Variants in VTI1A observed in about 807,000 individuals in gnomAD.
VTI1A encodes vesicle transport through interaction with t-SNAREs 1A, also known as vesicle transport through interaction with t-SNAREs homolog 1A.
A neutral mutation model predicts 34.9 loss-of-function variants in VTI1A; 22 were observed. The ratio of observed to expected loss-of-function variants is 0.63; its 90% CI spans 0.45 to 0.90. The LOEUF is 0.90. VTI1A is among the 40% of genes least tolerant of loss of function. The probability of loss-of-function intolerance (pLI) is 0.00; values close to 1 mark genes in which losing one functional copy is unlikely to be tolerated. For missense variants in VTI1A, 268 were observed against 275.6 expected (o/e 0.97, Z 0.20); for synonymous variants, 87 against 97.3 (o/e 0.89, Z 0.62).
intron 5 of VTI1A, among the ~76,000 whole-genome samples, chr10:112,659,341 A>G (rs1847358784): frequency 6.6e-6 from 1 of 152,180 alleles, no homozygotes; most frequent in Admixed American, 6.5e-5. Context: ...CCTGCTGCTC[A>G]AGTCTCATTT....
intron 5 of VTI1A, among the ~76,000 whole-genome samples, chr10:112,620,790 CAA>C (rs58569618): frequency 4.1e-4 from 56 of 137,400 alleles, no homozygotes; most frequent in Admixed American, 5.8e-4. Context: ...AACTCCATCT[CAA>C]AAAAAAAAAA....
intron 7 of VTI1A, among the ~76,000 whole-genome samples, chr10:112,758,863 G>T (rs1923259): frequency 0.021 from 3,159 of 152,322 alleles, 118 homozygotes; most frequent in African/African-American, 0.072. Flanking sequence ...GGCATGAGCA[G>T]CAGGTAGGCA....
rs149647046 is a variant in VTI1A at position 112,778,548 on chromosome 10, G to A, written c.561-36742G>A. ...CTATACAGGACAAAGAGCTTTTCCT[G>A]TTCACTCTATTTTACTGAGAAAAGT... On this transcript the variant is annotated intron_variant, in intron 7 of 7. Transcript: ENST00000393077. Among the ~76,000 whole-genome samples, 525 of 152,266 alleles carry A rather than the reference G, an allele frequency of 3.4e-3. 5 individuals carry two copies. The highest frequency in any genetic ancestry group is 0.011 in the African/African-American group (459 of 41,552).
intron 5 of VTI1A, among the ~76,000 whole-genome samples, chr10:112,583,958 A>G (rs1013045150): frequency 5.3e-5 from 8 of 152,164 alleles, no homozygotes; most frequent in Non-Finnish European, 1.2e-4. Context: ...AGAATACCCA[A>G]AGTTGCCTTG....
chr10:112,736,107 G>GTATATATATATATATA (rs1468293852), intron 7 of VTI1A, among the ~76,000 whole-genome samples: 24 of 100,834 alleles, frequency 2.4e-4, no homozygotes, highest in East Asian at 8.2e-4. Context: ...ATATATGTGT[G>GTATATATATATATATA]TGTGTATATA....
At chr10:112,772,836 C>A (rs1203602399) in intron 7 of VTI1A, among the ~76,000 whole-genome samples, 1 of 152,198 alleles carries the variant, frequency 6.6e-6, no homozygotes, top group Non-Finnish European at 1.5e-5. Flanking sequence ...AGACACACCT[C>A]AGCCCAGTCC....
chr10:112,487,091 G>A (rs1228767566), intron 3 of VTI1A, among the ~76,000 whole-genome samples: 1 of 152,034 alleles, frequency 6.6e-6, no homozygotes, highest in Non-Finnish European at 1.5e-5. Context: ...CTCTGCATCC[G>A]GGTTGAGAAA....
Position 112,818,339 on chromosome 10 carries a change from G to A in VTI1A, c.*2956G>A, listed in dbSNP as rs991045454. The A allele has an allele frequency of 1.7e-5, 4 of 232,728 alleles. No homozygotes were observed. Among genetic ancestry groups the A allele is most frequent in the Admixed American group, 1.1e-4 (2 of 17,750 alleles). The allele number at this position is 232,728 out of a possible 1,614,324, so 14.4% of individuals were successfully genotyped here. On this transcript the variant is annotated 3_prime_UTR_variant, in exon 8 of 8. Coordinates refer to ENST00000393077, the MANE Select transcript of VTI1A (RefSeq NM_145206.4). ...AAAACCTCATCAGATAATGACCTCA[G>A]TGATTGGGTTTTCATTACCAAACAG...
chr10:112,783,612 A>C (rs913910533), intron 7 of VTI1A, among the ~76,000 whole-genome samples: 30 of 152,316 alleles, frequency 2.0e-4, no homozygotes, highest in African/African-American at 7.2e-4. Context: ...CTAGTGTTCT[A>C]CCTTTTCAAC....
intron 7 of VTI1A, among the ~76,000 whole-genome samples, chr10:112,710,697 C>T (rs1023093827): frequency 2.0e-5 from 3 of 152,186 alleles, no homozygotes; most frequent in South Asian, 2.1e-4. Context: ...CTTTTTTTCC[C>T]GGGTCAGTAG....
chr10:112,599,830 C>T (rs917643984), intron 5 of VTI1A, among the ~76,000 whole-genome samples: 8 of 152,164 alleles, frequency 5.3e-5, no homozygotes, highest in Admixed American at 2.6e-4. Flanking sequence ...GATCTTGCCT[C>T]GGCTTCCCAA....
intron 5 of VTI1A, among the ~76,000 whole-genome samples, chr10:112,547,058 T>C (rs895328922): frequency 6.6e-6 from 1 of 152,188 alleles, no homozygotes; most frequent in African/African-American, 2.4e-5. Context: ...AGCAGGCAGA[T>C]CACTTGAACC....
intron 3 of VTI1A, among the ~76,000 whole-genome samples, chr10:112,488,665 T>C (rs146466997): frequency 6.6e-6 from 1 of 152,340 alleles, no homozygotes; most frequent in East Asian, 1.9e-4. Flanking sequence ...TTAAAAGTCA[T>C]GCAGGACTCT....
At chr10:112,599,489 C>T (rs554035180) in intron 5 of VTI1A, among the ~76,000 whole-genome samples, 24 of 152,270 alleles carry the variant, frequency 1.6e-4, no homozygotes, top group South Asian at 6.2e-4. Flanking sequence ...GGATGCCAAA[C>T]GACTGGACCG....
intron 5 of VTI1A, among the ~76,000 whole-genome samples, chr10:112,581,716 G>A (rs1291002797): frequency 6.6e-6 from 1 of 152,098 alleles, no homozygotes; most frequent in Non-Finnish European, 1.5e-5. Context: ...TTAGCAAATA[G>A]CACTTCCTGA....
At chr10:112,736,748 A>C in intron 7 of VTI1A, 1 of 1,550,246 alleles carries the variant, frequency 6.5e-7, no homozygotes, top group African/African-American at 1.4e-5. Flanking sequence ...AAAACAATGT[A>C]ACCTGTCTCT....
the VTI1A span, among the ~76,000 whole-genome samples, chr10:112,830,849 A>ATATATATATATATTTTTTTTT: frequency 2.4e-4 from 8 of 33,498 alleles, no homozygotes; most frequent in African/African-American, 2.9e-4. Flanking sequence ...ATATATATAT[A>ATATATATATATATTTTTTTTT]TTTTTTTTTT....
In VTI1A at chr10:112,813,482, G is replaced by A. The variant is rs1225266726; in HGVS notation, c.561-1808G>A. On this transcript the variant is annotated intron_variant, in intron 7 of 7. Transcript: ENST00000393077. The stretch of plus-strand genomic sequence containing the variant: ...TTTCCTTTGCAAGTCTGATGCGGGT[G>A]ACTGTGGTAAATAGAGATTTTGACA... Among the ~76,000 whole-genome samples the A allele has an allele frequency of 2.0e-5, 3 of 152,210 alleles. No homozygotes were observed. In the East Asian group the frequency reaches 5.8e-4, roughly 29 times the overall value.
chr10:112,471,597 C>G (rs1407421338), intron 3 of VTI1A, among the ~76,000 whole-genome samples: 1 of 151,966 alleles, frequency 6.6e-6, no homozygotes, highest in Non-Finnish European at 1.5e-5. Flanking sequence ...TTAATGTTCT[C>G]TTCACAATCC....
Sources: allele counts gnomAD v4.1 joint callset (sites outside exome capture counted in the v4.1 genomes callset), GRCh38; gene constraint gnomAD v4.1.1; transcripts MANE v1.5; gene names NCBI Gene and HGNC (gene_info 2026-07-23, HGNC 2026-07-21).